TMEM170A: variants seen among roughly 807,000 people sequenced by gnomAD.
TMEM170A encodes the protein transmembrane protein 170.
A neutral mutation model predicts 12.8 loss-of-function variants in TMEM170A; 18 were observed. The ratio of observed to expected loss-of-function variants is 1.41; its 90% CI spans 0.97 to 2.09. The LOEUF (loss-of-function observed/expected upper bound fraction) is 2.09. Among genes scored for constraint, TMEM170A ranks in the 30% most tolerant of loss-of-function variants. TMEM170A has a pLI of 0.00. For missense variants in TMEM170A, 220 were observed against 179.9 expected, an observed-to-expected ratio of 1.22 and a Z score of -1.28; for synonymous variants, 107 against 76.2, an observed-to-expected ratio of 1.40 and a Z score of -2.11.
chr16:75,461,199 A>G (rs2079900638), intron 1 of TMEM170A, among the ~76,000 whole-genome samples: 1 of 152,114 alleles, frequency 6.6e-6, no homozygotes. Context: ...AATTACAGGC[A>G]TGCACCACCA....
In TMEM170A at chr16:75,447,478, GA is replaced by G; in HGVS notation, c.*79del. 3 of 1,434,810 alleles carry G rather than the reference GA, an allele frequency of 2.1e-6. No homozygotes were observed. The highest frequency in any genetic ancestry group is 2.8e-6 in the Non-Finnish European group (3 of 1,087,218). The allele number at this position is 1,434,810 out of a possible 1,614,324, so 88.9% of individuals were successfully genotyped here. A position where few individuals can be genotyped will look rare whatever the true frequency, so the allele number is the denominator to read the frequency against. ...AAGTTGCTTCCCTTTGAAGAACTAAGAAAACACTACACTCCATAATGTATTC... is the reference window on the plus strand; with the variant it reads ...AAGTTGCTTCCCTTTGAAGAACTAAGAAACACTACACTCCATAATGTATTC... On this transcript the variant is annotated 3_prime_UTR_variant, in exon 3 of 3. Coordinates refer to ENST00000561878, the MANE Select transcript of TMEM170A (RefSeq NM_145254.3).
In TMEM170A at chr16:75,452,438, C is replaced by CT. The variant is rs201593425; in HGVS notation, c.134-600dup. 3.6e-3 allele frequency among the ~76,000 whole-genome samples: 546 copies of CT among 150,314 alleles called. 2 individuals carry two copies. The highest frequency in any genetic ancestry group is 0.015 in the South Asian group (69 of 4,676). Reference sequence around the variant, plus strand: ...GTGTGCTACCACGCCTGGCAAAATTCTTTTTTTTTTAATTTTCTTTTTTTA... The same window carrying CT: ...GTGTGCTACCACGCCTGGCAAAATTCTTTTTTTTTTTAATTTTCTTTTTTTA... On this transcript the variant is annotated intron_variant, in intron 1 of 2. Coordinates refer to ENST00000561878, the MANE Select transcript of TMEM170A (RefSeq NM_145254.3).
chr16:75,443,880 G>C lies in TMEM170A; in HGVS notation c.*3678C>G, dbSNP rs1347979441. The C allele has an allele frequency of 6.6e-6, 1 of 152,150 alleles. No homozygotes were observed. The highest frequency in any genetic ancestry group is 2.4e-5 in the African/African-American group (1 of 41,434). The allele number at this position is 152,150 out of a possible 1,614,324, so 9.4% of individuals were successfully genotyped here. A position where few individuals can be genotyped will look rare whatever the true frequency, so the allele number is the denominator to read the frequency against. ...GAGGCGGGTGGATCACTTGAAGTCAGGAGTTTGAGACCAGCCTGTCCAACA... is the reference window on the plus strand; with the variant it reads ...GAGGCGGGTGGATCACTTGAAGTCACGAGTTTGAGACCAGCCTGTCCAACA... On this transcript the variant is annotated 3_prime_UTR_variant, in exon 3 of 3. Coordinates refer to ENST00000561878, the MANE Select transcript of TMEM170A (RefSeq NM_145254.3).
intron 1 of TMEM170A, among the ~76,000 whole-genome samples, chr16:75,454,386 AG>A (rs1237195473): frequency 6.6e-6 from 1 of 152,112 alleles, no homozygotes; most frequent in African/African-American, 2.4e-5. Flanking sequence ...TGGGAGGTCG[AG>A]GTGGGCTAAT....
rs147645969 is a variant in TMEM170A at position 75,463,321 on chromosome 16, C to T, written c.133+1147G>A. Among the ~76,000 whole-genome samples the T allele has an allele frequency of 2.0e-5, 3 of 151,866 alleles. No homozygotes were observed. The East Asian group carries it at 5.8e-4, about 29-fold the overall frequency. ...TTTGATATCACTGTCAAAAGTGATCCTAGCACCTTCTGAAATAACGTGAGC... is the reference window on the plus strand; with the variant it reads ...TTTGATATCACTGTCAAAAGTGATCTTAGCACCTTCTGAAATAACGTGAGC... On this transcript the variant is annotated intron_variant, in intron 1 of 2. Transcript: ENST00000561878.
At chr16:75,461,289 G>C (rs2079903033) in intron 1 of TMEM170A, among the ~76,000 whole-genome samples, 1 of 152,150 alleles carries the variant, frequency 6.6e-6, no homozygotes, top group African/African-American at 2.4e-5. Flanking sequence ...CCTGACCTTA[G>C]ATGATCCGCC....
Position 75,464,033 on chromosome 16 carries a change from C to G in TMEM170A, c.133+435G>C, listed in dbSNP as rs761716764. Among the ~76,000 whole-genome samples the G allele has an allele frequency of 1.0e-3, 158 of 152,298 alleles. 1 individual carries two copies. Among genetic ancestry groups the G allele is most frequent in the Non-Finnish European group, 1.5e-3 (100 of 68,000 alleles). On this transcript the variant is annotated intron_variant, in intron 1 of 2. Coordinates refer to ENST00000561878, the MANE Select transcript of TMEM170A (RefSeq NM_145254.3). ...GGCTGCAGCCCCGGGGCAAGGGGAG[C>G]GCGAGCTCTGACTCCTCAGCGCGGC... is the stretch of plus-strand genomic sequence containing the variant.
rs2079961925 is a variant in TMEM170A at position 75,464,429 on chromosome 16, GGCGGGGCGCGCAGTGCGCAGGC to G, written c.133+17_133+38del. On this transcript the variant is annotated intron_variant, in intron 1 of 2. Transcript: ENST00000561878. ...GCGCCCACAGCACGGCAGCGGCGAC[GGCGGGGCGCGCAGTGCGCAGGC>G]GCGGGGCGGGCCGTACCTGGGAAGG... 3 of 1,401,370 alleles carry G rather than the reference GGCGGGGCGCGCAGTGCGCAGGC, an allele frequency of 2.1e-6. No individual in the cohort carries two copies. Among genetic ancestry groups the G allele is most frequent in the Non-Finnish European group, 2.8e-6 (3 of 1,078,384 alleles). The allele number at this position is 1,401,370 out of a possible 1,614,324, so 86.8% of individuals were successfully genotyped here.
At chr16:75,459,418 C>T (rs1297490435) in intron 1 of TMEM170A, among the ~76,000 whole-genome samples, 1 of 152,178 alleles carries the variant, frequency 6.6e-6, no homozygotes, top group East Asian at 1.9e-4. Flanking sequence ...GCCAAGTGGG[C>T]AGCATGAGGC....
chr16:75,456,084 T>C (rs1276126478), intron 1 of TMEM170A, among the ~76,000 whole-genome samples: 2 of 152,208 alleles, frequency 1.3e-5, no homozygotes, highest in Non-Finnish European at 2.9e-5. Flanking sequence ...AAGGGGCTAT[T>C]GGAGATAGGG....
rs937629796 is a variant in TMEM170A at position 75,445,129 on chromosome 16, A to C, written c.*2429T>G. 1.3e-5 allele frequency: 2 copies of C among 152,200 alleles called. No individual in the cohort carries two copies. Among genetic ancestry groups the C allele is most frequent in the Admixed American group, 1.3e-4 (2 of 15,284 alleles). 9.4% of individuals were successfully genotyped at this position (152,200 alleles called of 1,614,324 possible). A position where few individuals can be genotyped will look rare whatever the true frequency, so the allele number is the denominator to read the frequency against. ...CAATTCCCCAGATTTCTTAAACTGA[A>C]GGGATACTTTTGAAAATCACAGCTC... On this transcript the variant is annotated 3_prime_UTR_variant, in exon 3 of 3. Transcript: ENST00000561878.
At position 75,445,235 on chromosome 16, in the gene TMEM170A, T is replaced by C. The variant is rs1432071905; in HGVS notation, c.*2323A>G. 4 of 152,220 alleles carry C rather than the reference T, an allele frequency of 2.6e-5. No individual in the cohort carries two copies. The highest frequency in any genetic ancestry group is 9.6e-5 in the African/African-American group (4 of 41,460). 9.4% of individuals were successfully genotyped at this position (152,220 alleles called of 1,614,324 possible). A position where few individuals can be genotyped will look rare whatever the true frequency, so the allele number is the denominator to read the frequency against. On this transcript the variant is annotated 3_prime_UTR_variant, in exon 3 of 3. Transcript: ENST00000561878. ...TTGTTAGGGAATTTGTAAGAATATT[T>C]GGCTGCATTACAACTCTACTTATAA... is the stretch of plus-strand genomic sequence containing the variant.
chr16:75,461,096 CA>C (rs2079897733), intron 1 of TMEM170A, among the ~76,000 whole-genome samples: 1 of 152,170 alleles, frequency 6.6e-6, no homozygotes, highest in Admixed American at 6.5e-5. Context: ...CTCTGTGGCC[CA>C]GGCTGGAGTG....
chr16:75,455,424 G>T (rs28558946), intron 1 of TMEM170A, among the ~76,000 whole-genome samples: 78,225 of 150,992 alleles, frequency 0.52, 21,088 homozygotes, highest in Admixed American at 0.63. Flanking sequence ...GCCACATTGT[G>T]AAGTAACAAA....
At chr16:75,461,479 A>T (rs2079907945) in intron 1 of TMEM170A, among the ~76,000 whole-genome samples, 1 of 152,358 alleles carries the variant, frequency 6.6e-6, no homozygotes, top group South Asian at 2.1e-4. Flanking sequence ...ATACTTCAGA[A>T]CAATGATTCT....
At chr16:75,456,924 C>A (rs2079809404) in intron 1 of TMEM170A, among the ~76,000 whole-genome samples, 1 of 152,236 alleles carries the variant, frequency 6.6e-6, no homozygotes, top group African/African-American at 2.4e-5. Context: ...GAAAGACCAT[C>A]TTCTATCCCG....
intron 2 of TMEM170A, among the ~76,000 whole-genome samples, chr16:75,451,016 T>G (rs189383644): frequency 6.6e-6 from 1 of 151,772 alleles, no homozygotes; most frequent in East Asian, 2.0e-4. Flanking sequence ...CACACCCACA[T>G]GAGTGGAAGT....
chr16:75,452,797 G>A (rs976129862), intron 1 of TMEM170A: 3 of 152,142 alleles, frequency 2.0e-5, no homozygotes, highest in Non-Finnish European at 2.9e-5. Flanking sequence ...AAATATTGAC[G>A]GTTTTAGTGT....
intron 1 of TMEM170A, among the ~76,000 whole-genome samples, chr16:75,457,402 G>A (rs1305592459): frequency 6.6e-6 from 1 of 152,156 alleles, no homozygotes; most frequent in Non-Finnish European, 1.5e-5. Flanking sequence ...CAGGACTGTG[G>A]TCTTAGGAGA....
Sources: allele counts gnomAD v4.1 joint callset (sites outside exome capture counted in the v4.1 genomes callset), GRCh38; gene constraint gnomAD v4.1.1; transcripts MANE v1.5; gene names NCBI Gene and HGNC (gene_info 2026-07-23, HGNC 2026-07-21).